RGS6: variants seen among roughly 807,000 people sequenced by gnomAD.
The protein encoded by RGS6 is regulator of G protein signaling 6.
Under a neutral mutation model 78.5 loss-of-function variants are expected in RGS6, and 30 were observed. The ratio of observed to expected loss-of-function variants is 0.38; its 90% CI spans 0.29 to 0.52. RGS6 has a LOEUF of 0.52. RGS6 is among the 20% of genes least tolerant of loss of function. The pLI, the probability that RGS6 is intolerant of heterozygous loss-of-function variation, is 0.85. For missense variants in RGS6, 495 were observed against 609.7 expected, an observed-to-expected ratio of 0.81 and a Z score of 1.98; for synonymous variants, 206 against 206.0, an observed-to-expected ratio of 1.00 and a Z score of 0.00.
rs1435689850 is a variant in RGS6, at chr14:72,563,616, T to A, written c.*1149T>A. 2 of 152,262 alleles carry A rather than the reference T, an allele frequency of 1.3e-5. No homozygotes were observed. The highest frequency in any genetic ancestry group is 2.9e-5 in the Non-Finnish European group (2 of 68,098). The allele number at this position is 152,262 out of a possible 1,614,324, so 9.4% of individuals were successfully genotyped here. On this transcript the variant is annotated 3_prime_UTR_variant, in exon 18 of 18. Transcript: ENST00000553525. ...CTCTAAACCGGTCACCTAGGGGAAA[T>A]GCAAAAACCTGCAAAAGATCCACCT...
chr14:72,291,326 C>T (rs149909508), intron 2 of RGS6, among the ~76,000 whole-genome samples: 6 of 152,048 alleles, frequency 3.9e-5, no homozygotes, highest in African/African-American at 1.4e-4. Context: ...TCTTTTCCCA[C>T]CTAAGGAAAT....
At chr14:71,955,318 C>T (rs1370044280) in intron 1 of RGS6, among the ~76,000 whole-genome samples, 3 of 152,068 alleles carry the variant, frequency 2.0e-5, no homozygotes, top group Admixed American at 6.6e-5. Flanking sequence ...GAATAACTTC[C>T]CTTTGGTAAA....
chr14:72,472,894 A>G lies in RGS6; in HGVS notation c.559A>G (p.Thr187Ala). ...CAGGATTGACCGGAAAAAAGACAAG[A>G]CAGAAAGGAAAATTTTGGATAGTCA... ...QVKIDRKKDK[T>A]ERKILDSQER... The change falls in exon 9 of 18, where the codon ACA becomes GCA. Residue 187 changes from threonine to alanine, a missense_variant. By Grantham distance (58) the Thr-to-Ala change is moderately conservative. Transcript: ENST00000553525. 1.9e-6 allele frequency: 3 copies of G among 1,613,316 alleles called. No individual in the cohort carries two copies. Among genetic ancestry groups the G allele is most frequent in the South Asian group, 1.1e-5 (1 of 91,004 alleles).
intron 10 of RGS6, among the ~76,000 whole-genome samples, chr14:72,475,205 T>TC (rs1338585287): frequency 6.8e-5 from 10 of 147,048 alleles, no homozygotes; most frequent in African/African-American, 1.7e-4. Context: ...TATGGTTTTT[T>TC]TTTTTTTTTT....
At chr14:72,262,745 A>G (rs1316360045) in intron 2 of RGS6, among the ~76,000 whole-genome samples, 1 of 152,092 alleles carries the variant, frequency 6.6e-6, no homozygotes, top group Non-Finnish European at 1.5e-5. Flanking sequence ...AATGACCGAA[A>G]CTCAACTCAA....
chr14:72,453,047 T>G (rs1378117888), intron 3 of RGS6, among the ~76,000 whole-genome samples: 1 of 152,192 alleles, frequency 6.6e-6, no homozygotes, highest in Non-Finnish European at 1.5e-5. Flanking sequence ...GCCGCAGGAC[T>G]GTCTGAATAG....
intron 1 of RGS6, among the ~76,000 whole-genome samples, chr14:71,951,100 A>G (rs746846412): frequency 6.6e-6 from 1 of 152,202 alleles, no homozygotes; most frequent in Admixed American, 6.5e-5. Context: ...ATAAAGATAC[A>G]TGCATGTATG....
chr14:72,352,215 T>A, intron 3 of RGS6, 21 bp downstream of exon 3: 1 of 1,585,462 alleles, frequency 6.3e-7, no homozygotes, highest in Non-Finnish European at 8.7e-7. Context: ...CCTTGCAAGG[T>A]GTTGGTAACA....
intron 1 of RGS6, among the ~76,000 whole-genome samples, chr14:71,957,025 C>T (rs991811761): frequency 3.3e-5 from 5 of 152,118 alleles, no homozygotes; most frequent in African/African-American, 1.2e-4. Flanking sequence ...GTGGAGGATG[C>T]TTGTAGTGGG....
At chr14:72,554,569 T>G (rs933031890) in intron 17 of RGS6, among the ~76,000 whole-genome samples, 1 of 151,862 alleles carries the variant, frequency 6.6e-6, no homozygotes, top group Non-Finnish European at 1.5e-5. Context: ...AGAGTCCATT[T>G]GGGAAGGAGG....
rs186522406 is a variant in RGS6 at position 72,058,943 on chromosome 14, G to T, written c.84+94068G>T. On this transcript the variant is annotated intron_variant, in intron 2 of 17. Coordinates refer to ENST00000553525, the MANE Select transcript of RGS6 (RefSeq NM_001204424.2). The stretch of plus-strand genomic sequence containing the variant: ...TTCTGAGACAGAGTCTCGCTCTGTT[G>T]CCCATGATGGAGTACAGTGGTGTGA... 1.1e-3 allele frequency among the ~76,000 whole-genome samples: 169 copies of T among 152,194 alleles called. 2 individuals carry two copies. The highest frequency in any genetic ancestry group is 2.8e-4 in the Non-Finnish European group (19 of 68,006).
the RGS6 span, among the ~76,000 whole-genome samples, chr14:71,906,201 C>T: frequency 1.3e-5 from 2 of 152,158 alleles, no homozygotes; most frequent in Admixed American, 6.5e-5. Flanking sequence ...TTAAAACACC[C>T]GATAAAATTC....
At chr14:72,447,823 C>G (rs560593958) in intron 3 of RGS6, among the ~76,000 whole-genome samples, 2 of 152,316 alleles carry the variant, frequency 1.3e-5, no homozygotes, top group Non-Finnish European at 2.9e-5. Flanking sequence ...CCTGCCTCAG[C>G]CTCCCAAGTA....
At chr14:72,097,168 T>C (rs1016461724) in intron 2 of RGS6, among the ~76,000 whole-genome samples, 4 of 152,240 alleles carry the variant, frequency 2.6e-5, no homozygotes, top group Non-Finnish European at 5.9e-5. Context: ...TAAAAAATGC[T>C]TTTGATATTA....
chr14:71,949,670 T>A (rs1227886666), intron 1 of RGS6, among the ~76,000 whole-genome samples: 2 of 152,142 alleles, frequency 1.3e-5, no homozygotes, highest in Non-Finnish European at 2.9e-5. Context: ...TTGAATATAA[T>A]CTAACTTATC....
At chr14:72,303,440 G>A (rs929653887) in intron 2 of RGS6, among the ~76,000 whole-genome samples, 2 of 152,200 alleles carry the variant, frequency 1.3e-5, no homozygotes, top group Non-Finnish European at 2.9e-5. Flanking sequence ...GGTGGAGGTT[G>A]CAGTGAGCTG....
In RGS6 at chr14:72,555,832, A is replaced by G. The variant is rs188599030; in HGVS notation, c.1423-6585A>G. Among the ~76,000 whole-genome samples, 22 of 152,370 alleles carry G rather than the reference A, an allele frequency of 1.4e-4. 1 individual carries two copies. In the East Asian group the frequency reaches 2.9e-3, roughly 20 times the overall value. On this transcript the variant is annotated intron_variant, in intron 17 of 17. Transcript: ENST00000553525. Reference sequence around the variant, plus strand: ...AATGCCTCGCATGCTTGACAGACACACAATAGTTGCTCAATGGTCCATCAG... The same window carrying G: ...AATGCCTCGCATGCTTGACAGACACGCAATAGTTGCTCAATGGTCCATCAG...
chr14:72,472,409 T>A (rs965782721), intron 8 of RGS6, among the ~76,000 whole-genome samples: 1 of 152,196 alleles, frequency 6.6e-6, no homozygotes, highest in African/African-American at 2.4e-5. Flanking sequence ...TTAAAGACAT[T>A]TATTTCTACT....
chr14:72,586,573 G>A, the RGS6 span, among the ~76,000 whole-genome samples: 1 of 152,176 alleles, frequency 6.6e-6, no homozygotes, highest in South Asian at 2.1e-4. Flanking sequence ...TGTGAATGGA[G>A]TAAGATACTG....
Sources: gnomAD v4.1 joint callset for allele counts (sites outside exome capture counted in the v4.1 genomes callset) on GRCh38, gnomAD v4.1.1 for gene constraint, MANE v1.5 for transcripts, NCBI Gene and HGNC (gene_info 2026-07-23, HGNC 2026-07-21) for gene names.